The following MRPL37 variants were observed in gnomAD, a reference collection of about 807,000 sequenced individuals.
The protein encoded by MRPL37 is mitochondrial ribosomal protein L37, also known as large ribosomal subunit protein mL37.
Under a neutral mutation model 44.1 loss-of-function variants are expected in MRPL37, and 34 were observed. The ratio of observed to expected loss-of-function variants is 0.77; its 90% CI spans 0.59 to 1.03. The LOEUF (loss-of-function observed/expected upper bound fraction) is 1.03. Ranked by LOEUF, MRPL37 falls within the 50% of genes least tolerant of loss-of-function variation. MRPL37 has a pLI of 0.00. For synonymous variants in MRPL37, 212 were observed against 219.5 expected (o/e 0.97, Z 0.30); for missense variants, 532 against 543.7 (o/e 0.98, Z 0.21).
intron 5 of MRPL37, 78 bp from the exon 6 acceptor site, chr1:54,216,063 C>T (rs1251830354): frequency 2.0e-6 from 3 of 1,479,948 alleles, no homozygotes; most frequent in African/African-American, 2.8e-5. Flanking sequence ...AAGGGAAGAA[C>T]TAGAAGCTGC....
At chr1:54,205,465 C>A in intron 3 of MRPL37, 55 bp downstream of exon 3, 2 of 1,410,004 alleles carry the variant, frequency 1.4e-6, no homozygotes, top group South Asian at 1.2e-5. Context: ...CCTTTCTACT[C>A]TTAACCCCAC....
chr1:54,217,245 C>T (rs1324296566), intron 6 of MRPL37, among the ~76,000 whole-genome samples: 2 of 152,228 alleles, frequency 1.3e-5, no homozygotes, highest in African/African-American at 4.8e-5. Flanking sequence ...GGTTCTCCAG[C>T]AGCTCTCAGT....
In MRPL37 at chr1:54,205,411, G is replaced by T; in HGVS notation, c.646+1G>T. 1.2e-6 allele frequency: 2 copies of T among 1,612,308 alleles called. No individual in the cohort carries two copies. The highest frequency in any genetic ancestry group is 1.7e-6 in the Non-Finnish European group (2 of 1,178,698). ...ACGTTTTCTGCTACCTGGAACCGAGGTTGGTCATCTTGTACACCAGAAAGC... is the reference window on the plus strand; with the variant it reads ...ACGTTTTCTGCTACCTGGAACCGAGTTTGGTCATCTTGTACACCAGAAAGC... On this transcript the variant is annotated splice_donor_variant, in intron 3 of 6. Transcript: ENST00000360840. LOFTEE classifies it high-confidence loss of function.
At chr1:54,225,448 C>T, downstream of MRPL37, 9 of 1,220,912 alleles carry the variant, frequency 7.4e-6, no homozygotes, top group Non-Finnish European at 9.2e-6. Flanking sequence ...AAAAAGATGT[C>T]CCTTTAATAA....
chr1:54,200,344 G>A lies in MRPL37; in HGVS notation c.101G>A (p.Gly34Asp). The A allele has an allele frequency of 6.2e-7, 1 of 1,614,112 alleles. No homozygotes were observed. The highest frequency in any genetic ancestry group is 8.5e-7 in the Non-Finnish European group (1 of 1,180,018). Residue 34 changes from glycine to aspartate, a missense_variant, in exon 1 of 7, where the codon GGC (glycine) becomes GAC (aspartate). By Grantham distance (94) the Gly-to-Asp change is moderately conservative. Transcript: ENST00000360840. Reference protein sequence around the residue: ...GAPRRGAYEWGVRSTRKSEPP... With the variant: ...GAPRRGAYEWDVRSTRKSEPP... ...CCGAGACGCGGGGCGTATGAGTGGGGCGTGCGCTCCACGCGGAAGTCGGAG... is the reference window on the plus strand; with the variant it reads ...CCGAGACGCGGGGCGTATGAGTGGGACGTGCGCTCCACGCGGAAGTCGGAG...
At chr1:54,209,015 A>T (rs17110112) in intron 3 of MRPL37, among the ~76,000 whole-genome samples, 2,422 of 152,284 alleles carry the variant, frequency 0.016, 64 homozygotes, top group African/African-American at 0.055. Flanking sequence ...GCTCTTATCC[A>T]TCCTTCCAGA....
At chr1:54,200,649 C>G in intron 1 of MRPL37, 60 bp downstream of exon 1, 1 of 1,502,728 alleles carries the variant, frequency 6.7e-7, no homozygotes. Context: ...CGACCCCGAC[C>G]CTCTGTGGCT....
At chr1:54,209,133 A>G (rs1644145620) in intron 3 of MRPL37, among the ~76,000 whole-genome samples, 2 of 152,070 alleles carry the variant, frequency 1.3e-5, no homozygotes, top group South Asian at 4.1e-4. Context: ...TCACTGTAGC[A>G]CTCACTACCT....
downstream of MRPL37, among the ~76,000 whole-genome samples, chr1:54,218,659 G>A (rs1644214263): frequency 1.3e-5 from 2 of 152,124 alleles, no homozygotes; most frequent in Non-Finnish European, 2.9e-5. Context: ...TTTAAATTGT[G>A]GACACATTCC....
chr1:54,202,216 G>A (rs530150685), intron 1 of MRPL37, among the ~76,000 whole-genome samples: 16 of 152,130 alleles, frequency 1.1e-4, no homozygotes, highest in African/African-American at 3.6e-4. Flanking sequence ...TGCGCAGGCT[G>A]GTCTCAAAAT....
At chr1:54,218,913 C>T (rs1644215430), downstream of MRPL37, among the ~76,000 whole-genome samples, 1 of 152,198 alleles carries the variant, frequency 6.6e-6, no homozygotes, top group Admixed American at 6.6e-5. Context: ...CTAGCATGTG[C>T]CATGCACTGT....
intron 4 of MRPL37, among the ~76,000 whole-genome samples, chr1:54,210,642 GGAGT>G (rs1465258215): frequency 1.3e-5 from 2 of 152,148 alleles, no homozygotes; most frequent in African/African-American, 4.8e-5. Context: ...ACATCACAAG[GGAGT>G]GAGACTAGGC....
chr1:54,215,019 A>G (rs1439931625), intron 5 of MRPL37, among the ~76,000 whole-genome samples: 2 of 152,344 alleles, frequency 1.3e-5, no homozygotes, highest in East Asian at 3.9e-4. Context: ...GAACACAGGC[A>G]GCATTTTTGA....
At chr1:54,201,298 A>G (rs1479808493) in intron 1 of MRPL37, among the ~76,000 whole-genome samples, 1 of 152,220 alleles carries the variant, frequency 6.6e-6, no homozygotes, top group Admixed American at 6.5e-5. Flanking sequence ...CAAATCTGGC[A>G]AGATTGGGGG....
At chr1:54,201,352 A>G (rs556542267) in intron 1 of MRPL37, among the ~76,000 whole-genome samples, 37 of 152,302 alleles carry the variant, frequency 2.4e-4, no homozygotes, top group Middle Eastern at 6.8e-3. Flanking sequence ...AACTTAAGTC[A>G]ATTGGCCAGC....
chr1:54,214,710 C>T (rs1478347055), intron 5 of MRPL37, among the ~76,000 whole-genome samples: 2 of 152,234 alleles, frequency 1.3e-5, no homozygotes, highest in East Asian at 3.9e-4. Context: ...TGGAGGCCTC[C>T]TTCAGCCCCT....
downstream of MRPL37, among the ~76,000 whole-genome samples, chr1:54,223,268 T>G (rs1282048251): frequency 6.6e-6 from 1 of 152,346 alleles, no homozygotes; most frequent in Non-Finnish European, 1.5e-5. Flanking sequence ...CCAGCCACTC[T>G]GCTCAAGTCC....
downstream of MRPL37, among the ~76,000 whole-genome samples, chr1:54,219,054 C>T (rs1054931878): frequency 6.6e-6 from 1 of 152,218 alleles, no homozygotes; most frequent in African/African-American, 2.4e-5. Context: ...GGACAGGAAC[C>T]TGTGGAGAGC....
In MRPL37 at chr1:54,200,561, C is replaced by CT; in HGVS notation, c.321dup (p.His108SerfsTer31). Reference sequence around the variant, plus strand: ...TGTACAAAGACCAGGCCTGCTATATCTTTCACCACCGTTGCCGCCTTCTCG... The same window carrying CT: ...TGTACAAAGACCAGGCCTGCTATATCTTTTCACCACCGTTGCCGCCTTCTCG... On this transcript the variant is annotated frameshift_variant, in exon 1 of 7. Transcript: ENST00000360840. LOFTEE classifies it high-confidence loss of function. 6.2e-7 allele frequency: 1 copy of CT among 1,602,332 alleles called. No individual in the cohort carries two copies. Among genetic ancestry groups the CT allele is most frequent in the African/African-American group, 1.3e-5 (1 of 74,790 alleles).
Sources: allele counts gnomAD v4.1 joint callset (sites outside exome capture counted in the v4.1 genomes callset), GRCh38; gene constraint gnomAD v4.1.1; transcripts MANE v1.5; gene names NCBI Gene and HGNC (gene_info 2026-07-23, HGNC 2026-07-21).